FKBP8: variants seen among roughly 807,000 people sequenced by gnomAD.
FKBP8 encodes the protein FKBP prolyl isomerase 8, also known as peptidyl-prolyl cis-trans isomerase FKBP8.
In FKBP8, 5 loss-of-function variants were observed where a neutral mutation model predicts 41.7. The observed-to-expected ratio is 0.12, with a 90% CI of 0.06 to 0.25. The LOEUF (loss-of-function observed/expected upper bound fraction) is 0.25. Ranked by LOEUF, FKBP8 falls within the 10% of genes least tolerant of loss-of-function variation. The pLI is 1.00. For synonymous variants in FKBP8, 279 were observed against 254.5 expected (o/e 1.10, Z -0.92); for missense variants, 397 against 563.0 (o/e 0.71, Z 2.98).
Position 18,541,962 on chromosome 19 carries a change from C to G in FKBP8, c.9G>C (p.Ser3=), listed in dbSNP as rs758835267. 2 of 1,613,018 alleles carry G rather than the reference C, an allele frequency of 1.2e-6. No individual in the cohort carries two copies. The highest frequency in any genetic ancestry group is 2.2e-5 in the South Asian group (2 of 91,078). MA[S]CAEPSEPSAP... is the part of the protein sequence containing the mutation. ...CAGAGGGCTCAGAGGGTTCAGCACA[C>G]GATGCCATGCTGCTGGGGGGACAGG... Residue 3 remains serine (S), a synonymous_variant, in exon 2 of 9, where the codon TCG becomes TCC. Coordinates refer to ENST00000608443, the MANE Select transcript of FKBP8 (RefSeq NM_012181.5).
At position 18,537,461 on chromosome 19, in the gene FKBP8, G is replaced by C; in HGVS notation, c.945+140C>G. The stretch of plus-strand genomic sequence containing the variant: ...GTGACCAGGCCACACTCCTGCACCC[G>C]TCTGGGCCTCAGTTTCTCCACCTGC... On this transcript the variant is annotated intron_variant, in intron 6 of 8. Transcript: ENST00000608443. This position sits in a 1 kb window ranked among gnomAD's most constrained non-coding sequence, Gnocchi z 4.4. The C allele has an allele frequency of 1.4e-6, 1 of 731,314 alleles. No individual in the cohort carries two copies. Among genetic ancestry groups the C allele is most frequent in the East Asian group, 3.0e-5 (1 of 32,800 alleles). 45.3% of individuals were successfully genotyped at this position (731,314 alleles called of 1,614,324 possible).
In FKBP8 at chr19:18,541,858, TCCTCCTCAC is replaced by T. The variant is rs1976710393; in HGVS notation, c.104_112del (p.Gly35_Glu37del). 1 of 1,613,408 alleles carries T rather than the reference TCCTCCTCAC, an allele frequency of 6.2e-7. No individual in the cohort carries two copies. Among genetic ancestry groups the T allele is most frequent in the Admixed American group, 1.7e-5 (1 of 59,862 alleles). On this transcript the variant is annotated inframe_deletion, in exon 2 of 9. Coordinates refer to ENST00000608443, the MANE Select transcript of FKBP8 (RefSeq NM_012181.5). ...CTCTTCCTCCTCTTCCTCCTCCTCT[TCCTCCTCAC>T]CCTCTGCATCCTCAACCCCATCCAG... is the stretch of plus-strand genomic sequence containing the variant.
At chr19:18,539,783 G>A (rs982988813) in intron 2 of FKBP8, 63 bp from the exon 3 acceptor site, 22 of 1,567,058 alleles carry the variant, frequency 1.4e-5, no homozygotes, top group Non-Finnish European at 1.7e-5. Context: ...CCGCTCCCCT[G>A]AGCCCCCACT....
At chr19:18,534,264 G>A (rs538565670) in intron 6 of FKBP8, among the ~76,000 whole-genome samples, 6 of 152,174 alleles carry the variant, frequency 3.9e-5, no homozygotes, top group East Asian at 3.9e-4. Flanking sequence ...CCGAGATCAC[G>A]CCACTGCAGT....
Position 18,541,888 on chromosome 19 carries a change from T to G in FKBP8, c.83A>C (p.Asp28Ala). 1 of 1,613,856 alleles carries G rather than the reference T, an allele frequency of 6.2e-7. No individual in the cohort carries two copies. Among genetic ancestry groups the G allele is most frequent in the Non-Finnish European group, 8.5e-7 (1 of 1,179,926 alleles). Residue 28 changes from aspartate to alanine, a missense_variant, in exon 2 of 9, where the codon GAT becomes GCT. Physicochemically the swap from Asp to Ala is moderately radical, Grantham distance 126. Coordinates refer to ENST00000608443, the MANE Select transcript of FKBP8 (RefSeq NM_012181.5). ...CTCACCCTCTGCATCCTCAACCCCA[T>G]CCAGTACCTCGAAGTCCTCGAGCGG... ...VPPLEDFEVL[D>A]GVEDAEGEEE...
intron 1 of FKBP8, chr19:18,543,093 T>C: frequency 4.1e-6 from 1 of 242,152 alleles, no homozygotes; most frequent in Non-Finnish European, 7.7e-6. Flanking sequence ...CCCTTTCCGA[T>C]CCCATAACAC....
At position 18,541,845 on chromosome 19, in the gene FKBP8, TTCC is replaced by T. The variant is rs778744089; in HGVS notation, c.123_125del (p.Glu46del). 104 of 1,613,296 alleles carry T rather than the reference TTCC, an allele frequency of 6.4e-5. 1 individual carries two copies. The highest frequency in any genetic ancestry group is 3.7e-4 in the Admixed American group (22 of 59,880). On this transcript the variant is annotated inframe_deletion, in exon 2 of 9. Coordinates refer to ENST00000608443, the MANE Select transcript of FKBP8 (RefSeq NM_012181.5). ...CACTCAGGTCATCCTCTTCCTCCTC[TTCC>T]TCCTCCTCTTCCTCCTCACCCTCTG...
chr19:18,541,639 G>T (rs1319377803), intron 2 of FKBP8, 40 bp downstream of exon 2: 1 of 1,563,498 alleles, frequency 6.4e-7, no homozygotes, highest in Non-Finnish European at 8.7e-7. Context: ...GGACGAGAGG[G>T]CCAGGGCCAA....
chr19:18,541,890 C>T lies in FKBP8; in HGVS notation c.81G>A (p.Leu27=), dbSNP rs1476558377. 1 of 1,614,046 alleles carries T rather than the reference C, an allele frequency of 6.2e-7. No homozygotes were observed. The highest frequency in any genetic ancestry group is 8.5e-7 in the Non-Finnish European group (1 of 1,179,956). Residue 27 remains leucine (L), a synonymous_variant, in exon 2 of 9, where the codon CTG becomes CTA. Coordinates refer to ENST00000608443, the MANE Select transcript of FKBP8 (RefSeq NM_012181.5). ...GVPPLEDFEV[L]DGVEDAEGEE... ...CACCCTCTGCATCCTCAACCCCATC[C>T]AGTACCTCGAAGTCCTCGAGCGGTG...
intron 7 of FKBP8, 41 bp from the exon 8 acceptor site, chr19:18,532,836 C>T: frequency 1.9e-6 from 3 of 1,606,982 alleles, no homozygotes; most frequent in Non-Finnish European, 2.5e-6. Flanking sequence ...CAGCGGCCAA[C>T]CTGTCATCAC....
intron 1 of FKBP8, chr19:18,542,882 C>A: frequency 7.8e-7 from 1 of 1,283,866 alleles, no homozygotes. Flanking sequence ...CCTCCCTAAC[C>A]CTCACCTGCC....
At position 18,537,943 on chromosome 19, in the gene FKBP8, TAAGC is replaced by T. The variant is rs1976616945; in HGVS notation, c.773-174_773-171del. On this transcript the variant is annotated intron_variant, in intron 5 of 8. Transcript: ENST00000608443. This position sits in a 1 kb window ranked among gnomAD's most constrained non-coding sequence, Gnocchi z 4.4. ...CTGAGGAAGCTACAAGATGGAGACT[TAAGC>T]AAGCGAGGGCCTAGCCTGTGGTACA... 2.7e-6 allele frequency: 2 copies of T among 750,418 alleles called. No homozygotes were observed. The highest frequency in any genetic ancestry group is 4.2e-6 in the Non-Finnish European group (2 of 472,450). 46.5% of individuals were successfully genotyped at this position (750,418 alleles called of 1,614,324 possible). A position where few individuals can be genotyped will look rare whatever the true frequency, so the allele number is the denominator to read the frequency against.
Position 18,542,829 on chromosome 19 carries a change from T to C in FKBP8, c.-26+657A>G, listed in dbSNP as rs899826549. 2.7e-6 allele frequency: 3 copies of C among 1,101,828 alleles called. No individual in the cohort carries two copies. The African/African-American group carries it at 5.0e-5, about 18-fold the overall frequency. 68.3% of individuals were successfully genotyped at this position (1,101,828 alleles called of 1,614,324 possible). A position where few individuals can be genotyped will look rare whatever the true frequency, so the allele number is the denominator to read the frequency against. On this transcript the variant is annotated intron_variant, in intron 1 of 8. Transcript: ENST00000608443. ...CCCCTCCGTCCCCCAGGCCCCAAGC[T>C]CAGAAGAGTGTGGCACAGCCATCAA...
At position 18,532,274 on chromosome 19, in the gene FKBP8, G is replaced by T. The variant is rs1043148072; in HGVS notation, c.1156-19C>A. 4 of 1,587,748 alleles carry T rather than the reference G, an allele frequency of 2.5e-6. No homozygotes were observed. The highest frequency in any genetic ancestry group is 3.4e-6 in the Non-Finnish European group (4 of 1,167,466). ...GGATGGACTGTGGATAAAAAGGAGGGGAGAGAAGGGTGGAGGGAGGTCAAG... is the reference window on the plus strand; with the variant it reads ...GGATGGACTGTGGATAAAAAGGAGGTGAGAGAAGGGTGGAGGGAGGTCAAG... On this transcript the variant is annotated intron_variant, in intron 8 of 8. Coordinates refer to ENST00000608443, the MANE Select transcript of FKBP8 (RefSeq NM_012181.5).
intron 6 of FKBP8, 119 bp from the exon 7 acceptor site, chr19:18,533,466 C>T: frequency 1.8e-6 from 1 of 561,512 alleles, no homozygotes; most frequent in Middle Eastern, 4.7e-4. Flanking sequence ...GCTTGAGCAA[C>T]AGAGCAAGAC....
chr19:18,541,927 G>C lies in FKBP8; in HGVS notation c.44C>G (p.Pro15Arg), dbSNP rs1444051981. Residue 15 changes from proline (P) to arginine (R), a missense_variant, in exon 2 of 9, where the codon CCC (proline) becomes CGC (arginine). Around this residue, in one of 2 missense-constraint regions of FKBP8, gnomAD observed 172 missense variants for 196.2 expected, o/e 0.88. Transcript: ENST00000608443. ...GTCCTCGAGCGGTGGGACCCCGGCG[G>C]GCAGTGGGGCAGAGGGCTCAGAGGG... Reference protein sequence around the residue: ...AEPSEPSAPLPAGVPPLEDFE... With the variant: ...AEPSEPSAPLRAGVPPLEDFE... 3 of 1,613,958 alleles carry C rather than the reference G, an allele frequency of 1.9e-6. No individual in the cohort carries two copies. In the African/African-American group the frequency reaches 4.0e-5, roughly 22 times the overall value.
intron 2 of FKBP8, 70 bp from the exon 3 acceptor site, chr19:18,539,790 C>G (rs959045673): frequency 6.5e-6 from 10 of 1,548,090 alleles, no homozygotes; most frequent in Non-Finnish European, 8.8e-6. Flanking sequence ...CCTGAGCCCC[C>G]ACTCCTACCC....
chr19:18,538,025 A>G lies in FKBP8; in HGVS notation c.772+191T>C. The G allele has an allele frequency of 1.4e-6, 1 of 701,834 alleles. No homozygotes were observed. The highest frequency in any genetic ancestry group is 2.4e-6 in the Non-Finnish European group (1 of 424,446). 43.5% of individuals were successfully genotyped at this position (701,834 alleles called of 1,614,324 possible). ...CCATCCCCATATCCACTTGCATTCT[A>G]CAACACTCCACTGGTCTGGGATATA... is the stretch of plus-strand genomic sequence containing the variant. On this transcript the variant is annotated intron_variant, in intron 5 of 8. Transcript: ENST00000608443. This position sits in a 1 kb window ranked among gnomAD's most constrained non-coding sequence, Gnocchi z 4.0.
chr19:18,541,790 G>C lies in FKBP8; in HGVS notation c.181C>G (p.Pro61Ala). The C allele has an allele frequency of 6.2e-7, 1 of 1,613,934 alleles. No homozygotes were observed. The highest frequency in any genetic ancestry group is 8.5e-7 in the Non-Finnish European group (1 of 1,179,912). ...GGCTGCTCAGCCTCCTCCGCCGGGG[G>C]TTGTCCCATGTCCTCCAGCGGTGGC... is the stretch of plus-strand genomic sequence containing the variant. The part of the protein sequence containing the change: ...ELPPLEDMGQ[P>A]PAEEAEQPGA... Residue 61 changes from proline (P) to alanine (A), a missense_variant, in exon 2 of 9, where the codon CCC becomes GCC. By Grantham distance (27) the Pro-to-Ala change is conservative. This residue lies in a region of FKBP8 where 172 missense variants were observed against 196.2 expected (regional missense o/e 0.88). Coordinates refer to ENST00000608443, the MANE Select transcript of FKBP8 (RefSeq NM_012181.5).
Sources: gnomAD v4.1 joint callset for allele counts (sites outside exome capture counted in the v4.1 genomes callset) on GRCh38, gnomAD v4.1.1 for gene constraint, gnomAD v4.1.1 regional missense constraint, Gnocchi (gnomAD v3.1) non-coding constraint, MANE v1.5 for transcripts, NCBI Gene and HGNC (gene_info 2026-07-23, HGNC 2026-07-21) for gene names.